The following BACH2 variants were observed in gnomAD, a reference collection of about 807,000 sequenced individuals.
BACH2 encodes BACH transcriptional regulator 2.
Under a neutral mutation model 61.8 loss-of-function variants are expected in BACH2, and 5 were observed. The observed-to-expected ratio is 0.08, with a 90% CI of 0.04 to 0.17. BACH2 has a LOEUF of 0.17. Among genes scored for constraint, BACH2 ranks in the 10% least tolerant of loss-of-function variants. BACH2 has a pLI of 1.00. For missense variants in BACH2, 824 were observed against 1,091.1 expected (o/e 0.76, Z 3.45); for synonymous variants, 446 against 440.1 (o/e 1.01, Z -0.17).
chr6:90,092,291 A>AAAAAAAAAAAATATATATATATAT, intron 4 of BACH2, among the ~76,000 whole-genome samples: 2 of 113,838 alleles, frequency 1.8e-5, no homozygotes, highest in African/African-American at 7.2e-5. Flanking sequence ...AAAAAAAAAA[A>AAAAAAAAAAAATATATATATATAT]ATATATATAT....
intron 5 of BACH2, among the ~76,000 whole-genome samples, chr6:90,025,189 G>A (rs4388268): frequency 0.28 from 42,724 of 152,154 alleles, 6,818 homozygotes; most frequent in African/African-American, 0.43. Context: ...TGGTGGGGCA[G>A]TGGGTGTGTG....
At chr6:90,137,690 G>A (rs939345605) in intron 4 of BACH2, among the ~76,000 whole-genome samples, 1 of 152,108 alleles carries the variant, frequency 6.6e-6, no homozygotes, top group Non-Finnish European at 1.5e-5. Flanking sequence ...TTTTTATGTG[G>A]CTTTTACGGA....
At position 90,074,218 on chromosome 6, in the gene BACH2, T is replaced by C. The variant is rs550609660; in HGVS notation, c.-13+14743A>G. 2.0e-5 allele frequency among the ~76,000 whole-genome samples: 3 copies of C among 152,348 alleles called. No individual in the cohort carries two copies. In the East Asian group the frequency reaches 5.8e-4, roughly 29 times the overall value. On this transcript the variant is annotated intron_variant, in intron 5 of 8. Coordinates refer to ENST00000257749, the MANE Select transcript of BACH2 (RefSeq NM_021813.4). ...AAGACAGAGAACTTCACAATGTTTGTGGTGCATATTTTGCCACATTTCACA... is the reference window on the plus strand; with the variant it reads ...AAGACAGAGAACTTCACAATGTTTGCGGTGCATATTTTGCCACATTTCACA...
chr6:90,173,129 AC>A (rs1767873749), intron 4 of BACH2, among the ~76,000 whole-genome samples: 1 of 151,884 alleles, frequency 6.6e-6, no homozygotes. Context: ...AAAAAAAAAA[AC>A]AAAAGCAAAA....
At chr6:89,981,311 T>G (rs1775941895) in intron 6 of BACH2, among the ~76,000 whole-genome samples, 3 of 146,744 alleles carry the variant, frequency 2.0e-5, no homozygotes, top group African/African-American at 5.0e-5. Flanking sequence ...TTTTTTTTCT[T>G]TTTGTATTTT....
At chr6:90,030,396 C>T (rs1461311137) in intron 5 of BACH2, among the ~76,000 whole-genome samples, 2 of 151,844 alleles carry the variant, frequency 1.3e-5, no homozygotes, top group African/African-American at 2.4e-5. Context: ...TTCTGATTTT[C>T]GAATGAAAAT....
intron 4 of BACH2, among the ~76,000 whole-genome samples, chr6:90,109,244 C>T (rs1783060082): frequency 6.6e-6 from 1 of 152,046 alleles, no homozygotes; most frequent in African/African-American, 2.4e-5. Flanking sequence ...ATGCTCAACT[C>T]TCTATTCTCA....
intron 5 of BACH2, among the ~76,000 whole-genome samples, chr6:90,036,854 C>A (rs189084576): frequency 9.8e-4 from 149 of 152,252 alleles, no homozygotes; most frequent in African/African-American, 3.4e-3. Context: ...AGAAAGATCC[C>A]TTATACTCCA....
At chr6:90,237,883 G>C (rs1172075974) in intron 3 of BACH2, among the ~76,000 whole-genome samples, 1 of 152,160 alleles carries the variant, frequency 6.6e-6, no homozygotes, top group African/African-American at 2.4e-5. Context: ...CGGTGGACGA[G>C]CAATAAAGAA....
chr6:90,044,892 A>G (rs1322915739), intron 5 of BACH2, among the ~76,000 whole-genome samples: 1 of 152,184 alleles, frequency 6.6e-6, no homozygotes, highest in Non-Finnish European at 1.5e-5. Context: ...TGGATATGAC[A>G]ACTTTGAGGA....
intron 6 of BACH2, among the ~76,000 whole-genome samples, chr6:89,956,895 G>C (rs1251270337): frequency 6.6e-6 from 1 of 152,172 alleles, no homozygotes; most frequent in African/African-American, 2.4e-5. Context: ...CTGATCAGAT[G>C]AATCCGGAGG....
intron 4 of BACH2, among the ~76,000 whole-genome samples, chr6:90,176,365 G>A (rs1767983592): frequency 6.6e-6 from 1 of 152,152 alleles, no homozygotes; most frequent in African/African-American, 2.4e-5. Context: ...GAGTTTGAGA[G>A]TTCAGTGGTC....
chr6:89,933,602 T>C (rs292254), intron 8 of BACH2, among the ~76,000 whole-genome samples: 47,986 of 151,660 alleles, frequency 0.32, 8,035 homozygotes, highest in Middle Eastern at 0.45. Flanking sequence ...ATGCTGACAG[T>C]GGGGGAGGCT....
chr6:90,242,234 T>G (rs926948831), intron 3 of BACH2, among the ~76,000 whole-genome samples: 1 of 152,208 alleles, frequency 6.6e-6, no homozygotes, highest in Non-Finnish European at 1.5e-5. Context: ...TCCACTGTGC[T>G]CCACCTGTTC....
intron 1 of BACH2, among the ~76,000 whole-genome samples, chr6:90,273,421 G>T (rs1771592124): frequency 6.6e-6 from 1 of 152,138 alleles, no homozygotes; most frequent in Admixed American, 6.5e-5. Flanking sequence ...GTGAAGATAA[G>T]AATAGTTAAA....
chr6:90,027,870 A>G (rs978754390), intron 5 of BACH2, among the ~76,000 whole-genome samples: 4 of 152,216 alleles, frequency 2.6e-5, no homozygotes, highest in African/African-American at 9.7e-5. Flanking sequence ...TTATGAAAAG[A>G]AAGTTAATTT....
Position 90,103,029 on chromosome 6 carries a change from ATTT to A in BACH2, c.-161-13923_-161-13921del, listed in dbSNP as rs371386234. Among the ~76,000 whole-genome samples, 9 of 21,164 alleles carry A rather than the reference ATTT, an allele frequency of 4.3e-4. No homozygotes were observed. In the South Asian group the frequency reaches 7.5e-3, roughly 18 times the overall value. The allele number at this position is 21,164 out of a possible 152,430, so 13.9% of individuals were successfully genotyped here. On this transcript the variant is annotated intron_variant, in intron 4 of 8. Transcript: ENST00000257749. ...TACATATATATATATATATATATATATTTTTTTTTTTTTTTTTTTTTTACCAGA... is the reference window on the plus strand; with the variant it reads ...TACATATATATATATATATATATATATTTTTTTTTTTTTTTTTTTACCAGA...
chr6:90,189,436 G>A (rs146152030), intron 4 of BACH2, among the ~76,000 whole-genome samples: 8,111 of 151,790 alleles, frequency 0.053, 414 homozygotes, highest in Non-Finnish European at 0.079. Context: ...GTGAAACCCC[G>A]TATCTACTAA....
At chr6:89,983,370 T>C (rs1191431299) in intron 6 of BACH2, among the ~76,000 whole-genome samples, 1 of 152,170 alleles carries the variant, frequency 6.6e-6, no homozygotes, top group Non-Finnish European at 1.5e-5. Flanking sequence ...TGTTGTCTAA[T>C]TAAAATTAAG....
Sources: gnomAD v4.1 joint callset for allele counts (sites outside exome capture counted in the v4.1 genomes callset) on GRCh38, gnomAD v4.1.1 for gene constraint, MANE v1.5 for transcripts, NCBI Gene and HGNC (gene_info 2026-07-23, HGNC 2026-07-21) for gene names.